CFAP206: variants seen among roughly 807,000 people sequenced by gnomAD.
CFAP206 encodes the protein cilia and flagella associated protein 206.
A neutral mutation model predicts 65.4 loss-of-function variants in CFAP206; 53 were observed. The observed-to-expected ratio is 0.81, with a 90% CI of 0.65 to 1.02. The LOEUF (loss-of-function observed/expected upper bound fraction) is 1.02, where lower values mean the gene tolerates loss of function less well. Ranked by LOEUF, CFAP206 falls within the 50% of genes least tolerant of loss-of-function variation. The probability of loss-of-function intolerance (pLI) is 0.00; values close to 1 mark genes in which losing one functional copy is unlikely to be tolerated. For missense variants in CFAP206, 663 were observed against 753.2 expected, an observed-to-expected ratio of 0.88 and a Z score of 1.40; for synonymous variants, 250 against 254.4, an observed-to-expected ratio of 0.98 and a Z score of 0.17.
Position 87,416,764 on chromosome 6 carries a change from A to T in CFAP206, c.568A>T (p.Ile190Phe). The T allele has an allele frequency of 6.8e-6, 11 of 1,613,768 alleles. No homozygotes were observed. Among genetic ancestry groups the T allele is most frequent in the Non-Finnish European group, 9.3e-6 (11 of 1,179,852 alleles). The change falls in exon 6 of 13, where the codon ATT becomes TTT. Residue 190 changes from isoleucine to phenylalanine, a missense_variant. Ile to Phe is a conservative substitution (Grantham distance 21, BLOSUM62 0). Coordinates refer to ENST00000369562, the MANE Select transcript of CFAP206 (RefSeq NM_001031743.3). ...KERQLKELTM[I>F]VTGIRLFNRD... ...ACGCCAGCTGAAAGAACTCACCATG[A>T]TTGTTACTGGAATTCGTTTATTTAA... is the stretch of plus-strand genomic sequence containing the variant.
Position 87,415,498 on chromosome 6 carries a change from C to T in CFAP206, c.284-188C>T. 4.5e-6 allele frequency: 3 copies of T among 665,368 alleles called. No homozygotes were observed. The Admixed American group carries it at 6.2e-5, about 14-fold the overall frequency. The allele number at this position is 665,368 out of a possible 1,614,324, so 41.2% of individuals were successfully genotyped here. A position where few individuals can be genotyped will look rare whatever the true frequency, so the allele number is the denominator to read the frequency against. On this transcript the variant is annotated intron_variant, in intron 4 of 12. Transcript: ENST00000369562. ...TTCCATTTAAGTCACTGTAATAAAT[C>T]TTCCCTCCTGGATTTTTGTCTTGAG...
chr6:87,429,082 C>T (rs932892193), intron 9 of CFAP206, among the ~76,000 whole-genome samples: 3 of 151,974 alleles, frequency 2.0e-5, no homozygotes, highest in Admixed American at 1.3e-4. Context: ...AAAAATTAGC[C>T]GGGCATGGTG....
At chr6:87,447,069 G>A (rs1364710343) in intron 11 of CFAP206, among the ~76,000 whole-genome samples, 3 of 152,266 alleles carry the variant, frequency 2.0e-5, no homozygotes, top group East Asian at 1.9e-4. Context: ...TGCTGAAGTT[G>A]CTTATTACCT....
intron 11 of CFAP206, among the ~76,000 whole-genome samples, chr6:87,438,464 A>T (rs1294450467): frequency 6.6e-6 from 1 of 151,396 alleles, no homozygotes; most frequent in Non-Finnish European, 1.5e-5. Context: ...TTGTCTCAAA[A>T]AAAAAAAAAA....
intron 11 of CFAP206, among the ~76,000 whole-genome samples, chr6:87,449,436 CAAAAAAAAAAAA>C (rs34540279): frequency 5.7e-5 from 3 of 53,060 alleles, no homozygotes; most frequent in Non-Finnish European, 7.6e-5. Flanking sequence ...GACTCCATCT[CAAAAAAAAAAAA>C]AAAAAAAAAA....
chr6:87,447,644 G>A (rs956957956), intron 11 of CFAP206, among the ~76,000 whole-genome samples: 2 of 151,950 alleles, frequency 1.3e-5, no homozygotes, highest in Non-Finnish European at 2.9e-5. Context: ...GTTGTTTTTT[G>A]TTGTTGTATC....
rs1767656556 is a variant in CFAP206, at chr6:87,408,089, G to C, written c.-6G>C. 2.0e-6 allele frequency: 2 copies of C among 985,236 alleles called. No individual in the cohort carries two copies. Among genetic ancestry groups the C allele is most frequent in the Admixed American group, 6.1e-5 (1 of 16,272 alleles). 61.0% of individuals were successfully genotyped at this position (985,236 alleles called of 1,614,324 possible). On this transcript the variant is annotated splice_region_variant and 5_prime_UTR_variant, in exon 1 of 13. Coordinates refer to ENST00000369562, the MANE Select transcript of CFAP206 (RefSeq NM_001031743.3). ...GGCTCCTGCTGTCGATTCCGATCCA[G>C]GTCAGCCTACTCGGGGCTCCGCGCC...
rs566564497 is a variant in CFAP206 at position 87,462,180 on chromosome 6, A to C, written c.1638+1015A>C. Among the ~76,000 whole-genome samples, 3 of 152,336 alleles carry C rather than the reference A, an allele frequency of 2.0e-5. No individual in the cohort carries two copies. The East Asian group carries it at 5.8e-4, about 29-fold the overall frequency. On this transcript the variant is annotated intron_variant, in intron 12 of 12. Coordinates refer to ENST00000369562, the MANE Select transcript of CFAP206 (RefSeq NM_001031743.3). The stretch of plus-strand genomic sequence containing the variant: ...CTGGTTGATGTACAGGCTGCAAGTC[A>C]AAGAGTTCTATTGTCATATATGGTC...
chr6:87,439,825 T>A (rs1378208833), intron 11 of CFAP206, among the ~76,000 whole-genome samples: 1 of 152,070 alleles, frequency 6.6e-6, no homozygotes, highest in East Asian at 1.9e-4. Context: ...CAGTGTCTTA[T>A]CAATAACCAC....
chr6:87,420,760 A>G (rs1053429199), intron 7 of CFAP206, among the ~76,000 whole-genome samples: 6 of 152,180 alleles, frequency 3.9e-5, no homozygotes, highest in African/African-American at 1.4e-4. Context: ...TTATTTTTCC[A>G]TACAGTATCT....
At position 87,415,696 on chromosome 6, in the gene CFAP206, C is replaced by T. The variant is rs758550020; in HGVS notation, c.294C>T (p.Leu98=). 15 of 1,600,064 alleles carry T rather than the reference C, an allele frequency of 9.4e-6. No individual in the cohort carries two copies. Among genetic ancestry groups the T allele is most frequent in the South Asian group, 6.8e-5 (6 of 87,958 alleles). Reference sequence around the variant, plus strand: ...ATTTGGCAATTTTAGTGGAATTTCTCGAAGAACATCACCGGGTCCTAGAGT... The same window carrying T: ...ATTTGGCAATTTTAGTGGAATTTCTTGAAGAACATCACCGGGTCCTAGAGT... ...DMNYTNRVEF[L]EEHHRVLESR... is the part of the protein sequence containing the mutation. Residue 98 remains leucine (L), a synonymous_variant, in exon 5 of 13, where the codon CTC becomes CTT. Coordinates refer to ENST00000369562, the MANE Select transcript of CFAP206 (RefSeq NM_001031743.3).
chr6:87,433,493 G>A (rs1768196140), intron 10 of CFAP206, among the ~76,000 whole-genome samples: 1 of 152,054 alleles, frequency 6.6e-6, no homozygotes. Context: ...TTGCTAATAT[G>A]CAAATTTGAG....
rs761591976 is a variant in CFAP206 at position 87,431,144 on chromosome 6, T to C, written c.1271T>C (p.Phe424Ser). Reference protein sequence around the residue: ...IQYRGFCAYTFAATDGLLLPG... With the variant: ...IQYRGFCAYTSAATDGLLLPG... Reference sequence around the variant, plus strand: ...TATCGGGGATTTTGTGCTTACACGTTTGCTGCAACAGATGGTCTTCTCCTT... The same window carrying C: ...TATCGGGGATTTTGTGCTTACACGTCTGCTGCAACAGATGGTCTTCTCCTT... Residue 424 changes from phenylalanine (F) to serine (S), a missense_variant, in exon 10 of 13, where the codon TTT becomes TCT. Physicochemically the swap from Phe to Ser is radical, Grantham distance 155. Transcript: ENST00000369562. 1 of 1,614,026 alleles carries C rather than the reference T, an allele frequency of 6.2e-7. No homozygotes were observed. Among genetic ancestry groups the C allele is most frequent in the South Asian group, 1.1e-5 (1 of 91,040 alleles).
At chr6:87,458,692 T>C (rs746601051) in intron 11 of CFAP206, among the ~76,000 whole-genome samples, 2 of 151,922 alleles carry the variant, frequency 1.3e-5, no homozygotes, top group Non-Finnish European at 2.9e-5. Flanking sequence ...GAAATGGGGA[T>C]GGTTAATGGG....
chr6:87,441,282 G>A lies in CFAP206; in HGVS notation c.1494+6229G>A, dbSNP rs533591454. The stretch of plus-strand genomic sequence containing the variant: ...TCTTCCATATTCTAGGGGCAAAGAA[G>A]GTAGTGAGTGACATTTAAAACTATG... On this transcript the variant is annotated intron_variant, in intron 11 of 12. Coordinates refer to ENST00000369562, the MANE Select transcript of CFAP206 (RefSeq NM_001031743.3). The A allele has an allele frequency of 4.9e-5, 8 of 162,834 alleles. No individual in the cohort carries two copies. The South Asian group carries it at 8.9e-4, about 18-fold the overall frequency. The allele number at this position is 162,834 out of a possible 1,614,324, so 10.1% of individuals were successfully genotyped here.
Position 87,427,262 on chromosome 6 carries a change from C to G in CFAP206, c.960+617C>G, listed in dbSNP as rs951205447. ...ACGCCATTCTCCTAGCTCAGCCTCC[C>G]GAGTAGCTGGGACTACAGGCGCCCG... On this transcript the variant is annotated intron_variant, in intron 8 of 12. Coordinates refer to ENST00000369562, the MANE Select transcript of CFAP206 (RefSeq NM_001031743.3). Among the ~76,000 whole-genome samples the G allele has an allele frequency of 3.9e-5, 6 of 152,144 alleles. 1 individual carries two copies. The highest frequency in any genetic ancestry group is 3.3e-4 in the Admixed American group (5 of 15,274).
Position 87,434,948 on chromosome 6 carries a change from TG to T in CFAP206, c.1390del (p.Glu464AsnfsTer6). ...DAAYSFAENP[E>X]HYIDIVREKA... ...CTGCATATTCATTTGCAGAAAATCC[TG>T]AACATTATATTGACATAGTTAGAGA... On this transcript the variant is annotated frameshift_variant, in exon 11 of 13. Coordinates refer to ENST00000369562, the MANE Select transcript of CFAP206 (RefSeq NM_001031743.3). LOFTEE classifies it high-confidence loss of function. The T allele has an allele frequency of 6.3e-7, 1 of 1,583,468 alleles. No homozygotes were observed. The highest frequency in any genetic ancestry group is 8.7e-7 in the Non-Finnish European group (1 of 1,155,832).
intron 7 of CFAP206, among the ~76,000 whole-genome samples, chr6:87,419,523 C>T (rs1767902401): frequency 6.6e-6 from 1 of 152,150 alleles, no homozygotes; most frequent in Non-Finnish European, 1.5e-5. Flanking sequence ...TTAATTACTG[C>T]ATGATGGCAG....
chr6:87,408,394 T>G (rs1767663243), intron 1 of CFAP206: 1 of 152,292 alleles, frequency 6.6e-6, no homozygotes, highest in Non-Finnish European at 1.5e-5. Context: ...ACTTAGTAAT[T>G]GGAGGGTGGG....
Sources: allele counts gnomAD v4.1 joint callset (sites outside exome capture counted in the v4.1 genomes callset), GRCh38; gene constraint gnomAD v4.1.1; transcripts MANE v1.5; gene names NCBI Gene and HGNC (gene_info 2026-07-23, HGNC 2026-07-21).